SBNO1: variants seen among roughly 807,000 people sequenced by gnomAD.
The protein encoded by SBNO1 is protein strawberry notch homolog 1.
In SBNO1, 23 loss-of-function variants were observed where a neutral mutation model predicts 173.6. The observed-to-expected ratio is 0.13, with a 90% CI of 0.10 to 0.19. SBNO1 has a LOEUF of 0.19. SBNO1 is among the 10% of genes least tolerant of loss of function. The pLI is 1.00. For synonymous variants in SBNO1, 632 were observed against 571.5 expected (o/e 1.11, Z -1.51); for missense variants, 1,238 against 1,671.2 (o/e 0.74, Z 4.52).
rs764394170 is a variant in SBNO1 at position 123,326,352 on chromosome 12, A to G, written c.1693-18T>C. 4.6e-6 allele frequency: 7 copies of G among 1,522,400 alleles called. No homozygotes were observed. Among genetic ancestry groups the G allele is most frequent in the Non-Finnish European group, 6.2e-6 (7 of 1,122,724 alleles). 94.3% of individuals were successfully genotyped at this position (1,522,400 alleles called of 1,614,324 possible). A position where few individuals can be genotyped will look rare whatever the true frequency, so the allele number is the denominator to read the frequency against. On this transcript the variant is annotated intron_variant, in intron 13 of 31. Transcript: ENST00000602398. The stretch of plus-strand genomic sequence containing the variant: ...ATGACCCACTGAAGATACATAATCA[A>G]CATTTCAGACACTTCATCTTTGAGT...
chr12:123,335,312 AC>A (rs1439533253), intron 6 of SBNO1, among the ~76,000 whole-genome samples: 2 of 152,116 alleles, frequency 1.3e-5, no homozygotes, highest in Middle Eastern at 3.2e-3. Flanking sequence ...GATGGTGCAC[AC>A]CTGTAATCCT....
rs111488882 is a variant in SBNO1 at position 123,298,256 on chromosome 12, A to ATTTCT, written c.3846-90_3846-86dup. Reference sequence around the variant, plus strand: ...TAAAAGATTTACAAGGTCAACTCAAATTTCTTTTCTTTTCTTTTTTTTTTG... The same window carrying ATTTCT: ...TAAAAGATTTACAAGGTCAACTCAAATTTCTTTTCTTTTCTTTTCTTTTTTTTTTG... On this transcript the variant is annotated intron_variant, in intron 30 of 31. Transcript: ENST00000602398. 12 of 1,307,180 alleles carry ATTTCT rather than the reference A, an allele frequency of 9.2e-6. No homozygotes were observed. In the Admixed American group the frequency reaches 1.1e-4, roughly 11 times the overall value. The allele number at this position is 1,307,180 out of a possible 1,614,324, so 81.0% of individuals were successfully genotyped here. A position where few individuals can be genotyped will look rare whatever the true frequency, so the allele number is the denominator to read the frequency against.
chr12:123,320,324 T>A (rs1869807588), intron 19 of SBNO1, 108 bp downstream of exon 19: 1 of 1,109,280 alleles, frequency 9.0e-7, no homozygotes, highest in African/African-American at 1.6e-5. Flanking sequence ...GAACAAGAAT[T>A]CTATGATCTA....
In SBNO1 at chr12:123,317,360, T is replaced by C. The variant is rs758280672; in HGVS notation, c.2800-4A>G. Reference sequence around the variant, plus strand: ...CTTCTGAGATGATAGCAATATTCTGTGTCAAATATAAGAAAAATAAAGTCA... The same window carrying C: ...CTTCTGAGATGATAGCAATATTCTGCGTCAAATATAAGAAAAATAAAGTCA... On this transcript the variant is annotated splice_region_variant and splice_polypyrimidine_tract_variant and intron_variant, in intron 20 of 31. Transcript: ENST00000602398. 6.2e-7 allele frequency: 1 copy of C among 1,613,670 alleles called. No individual in the cohort carries two copies. The highest frequency in any genetic ancestry group is 2.2e-5 in the East Asian group (1 of 44,876).
intron 7 of SBNO1, among the ~76,000 whole-genome samples, chr12:123,333,018 G>A (rs1029623777): frequency 1.3e-5 from 2 of 152,116 alleles, no homozygotes; most frequent in South Asian, 2.1e-4. Flanking sequence ...CAGCTACTCG[G>A]GAGGCTGAGG....
At chr12:123,337,075 T>C (rs1285890429) in intron 5 of SBNO1, among the ~76,000 whole-genome samples, 5 of 152,160 alleles carry the variant, frequency 3.3e-5, no homozygotes, top group Admixed American at 2.6e-4. Context: ...ACAGAAAAAT[T>C]TACTTCAGAC....
intron 1 of SBNO1, among the ~76,000 whole-genome samples, chr12:123,362,478 C>T (rs1012216025): frequency 3.4e-5 from 4 of 116,518 alleles, no homozygotes; most frequent in African/African-American, 9.8e-5. Context: ...AGGATTCTGA[C>T]GGGGGGGCCA....
intron 9 of SBNO1, among the ~76,000 whole-genome samples, chr12:123,329,850 G>GTGCA (rs1214944543): frequency 6.6e-6 from 1 of 152,148 alleles, no homozygotes; most frequent in Non-Finnish European, 1.5e-5. Context: ...CCAACAATTG[G>GTGCA]TGCATGCATA....
intron 1 of SBNO1, among the ~76,000 whole-genome samples, chr12:123,362,925 T>TAA (rs560090421): frequency 4.9e-5 from 7 of 144,074 alleles, no homozygotes; most frequent in Admixed American, 2.1e-4. Context: ...ACAAAAAAAT[T>TAA]AAAAAAAAAA....
At position 123,290,798 on chromosome 12, in the gene SBNO1, C is replaced by T. The variant is rs183452279; in HGVS notation, c.*5110G>A. 1,087 of 151,738 alleles carry T rather than the reference C, an allele frequency of 7.2e-3. 3 individuals carry two copies. Among genetic ancestry groups the T allele is most frequent in the Middle Eastern group, 0.054 (16 of 294 alleles). 9.4% of individuals were successfully genotyped at this position (151,738 alleles called of 1,614,324 possible). ...TGTTGCCCAGGCTGGAGTGCAGTGG[C>T]GCGATCTGGGCTCACTGCAAGCTCT... On this transcript the variant is annotated 3_prime_UTR_variant, in exon 32 of 32. Transcript: ENST00000602398.
At chr12:123,296,855 G>A (rs1421692736) in intron 31 of SBNO1, among the ~76,000 whole-genome samples, 6 of 150,078 alleles carry the variant, frequency 4.0e-5, no homozygotes, top group Non-Finnish European at 5.9e-5. Flanking sequence ...CACCGTGCCC[G>A]GCCCTATTTG....
chr12:123,328,886 C>A lies in SBNO1; in HGVS notation c.1144G>T (p.Gly382Ter). The A allele has an allele frequency of 1.3e-6, 2 of 1,527,750 alleles. No homozygotes were observed. The highest frequency in any genetic ancestry group is 2.0e-5 in the Admixed American group (1 of 51,148). The allele number at this position is 1,527,750 out of a possible 1,614,324, so 94.6% of individuals were successfully genotyped here. Residue 382 changes from glycine (G) to a stop codon, truncating the protein, a stop_gained, in exon 10 of 32, where the codon GGA becomes TGA. Coordinates refer to ENST00000602398, the MANE Select transcript of SBNO1 (RefSeq NM_001167856.3). LOFTEE classifies it high-confidence loss of function. ...CCATTATGTTTGGAAGAAATTTTTCCGTATTTAAACTAAAAAAGAAAAGAA... is the reference window on the plus strand; with the variant it reads ...CCATTATGTTTGGAAGAAATTTTTCAGTATTTAAACTAAAAAAGAAAAGAA... The part of the protein sequence containing the change: ...LVHSLNKFKY[G>*]KISSKHNGSV...
intron 15 of SBNO1, among the ~76,000 whole-genome samples, chr12:123,325,069 C>T (rs1870461590): frequency 6.6e-6 from 1 of 152,170 alleles, no homozygotes; most frequent in South Asian, 2.1e-4. Context: ...TGTTGGCCTC[C>T]CAAAGTGCTG....
At chr12:123,363,826 C>T (rs1031488448) in intron 1 of SBNO1, 1 of 981,016 alleles carries the variant, frequency 1.0e-6, no homozygotes, top group African/African-American at 1.8e-5. Context: ...CAAACAGAAG[C>T]ACAAAGCAGG....
chr12:123,345,173 T>TA (rs1872982657), intron 4 of SBNO1, 85 bp downstream of exon 4: 1 of 1,217,092 alleles, frequency 8.2e-7, no homozygotes, highest in African/African-American at 1.5e-5. Context: ...GCCAGTTCTT[T>TA]AAAAACCCAA....
chr12:123,346,905 C>G (rs542209308), intron 3 of SBNO1, among the ~76,000 whole-genome samples: 1 of 151,656 alleles, frequency 6.6e-6, no homozygotes, highest in Non-Finnish European at 1.5e-5. Flanking sequence ...TGGTAAAACC[C>G]TGTCTCTACT....
intron 16 of SBNO1, among the ~76,000 whole-genome samples, chr12:123,322,793 C>A (rs565758011): frequency 5.4e-4 from 81 of 151,322 alleles, no homozygotes; most frequent in African/African-American, 1.9e-3. Flanking sequence ...GTAATCCCAG[C>A]TCCTTGAACC....
rs995304417 is a variant in SBNO1 at position 123,333,500 on chromosome 12, T to C, written c.909+553A>G. Among the ~76,000 whole-genome samples the C allele has an allele frequency of 5.9e-5, 9 of 152,122 alleles. No homozygotes were observed. In the South Asian group the frequency reaches 6.2e-4, roughly 11 times the overall value. ...GTATATATACACACACATATACATATATATAATTTTTTTTTTTTGAGACAG... is the reference window on the plus strand; with the variant it reads ...GTATATATACACACACATATACATACATATAATTTTTTTTTTTTGAGACAG... On this transcript the variant is annotated intron_variant, in intron 7 of 31. Coordinates refer to ENST00000602398, the MANE Select transcript of SBNO1 (RefSeq NM_001167856.3).
intron 30 of SBNO1, among the ~76,000 whole-genome samples, chr12:123,299,052 A>T (rs541344794): frequency 6.6e-6 from 1 of 152,268 alleles, no homozygotes; most frequent in South Asian, 2.1e-4. Flanking sequence ...GAGAAACCTC[A>T]TTTCTACTGA....
Sources: allele counts gnomAD v4.1 joint callset (sites outside exome capture counted in the v4.1 genomes callset), GRCh38; gene constraint gnomAD v4.1.1; transcripts MANE v1.5; gene names NCBI Gene and HGNC (gene_info 2026-07-23, HGNC 2026-07-21).